Variants in WDR7 observed in about 807,000 individuals in gnomAD.
WDR7 encodes WD repeat domain 7.
Under a neutral mutation model 169.4 loss-of-function variants are expected in WDR7, and 46 were observed. That is an observed-to-expected ratio of 0.27 (90% CI 0.21 to 0.35). The LOEUF is 0.35. Among genes scored for constraint, WDR7 ranks in the 10% least tolerant of loss-of-function variants. The pLI is 1.00. For missense variants in WDR7, 1,534 were observed against 1,859.3 expected, an observed-to-expected ratio of 0.83 and a Z score of 3.22; for synonymous variants, 612 against 666.8, an observed-to-expected ratio of 0.92 and a Z score of 1.27.
chr18:56,831,593 A>G (rs2045309741), intron 20 of WDR7, among the ~76,000 whole-genome samples: 2 of 152,126 alleles, frequency 1.3e-5, no homozygotes, highest in African/African-American at 4.8e-5. Flanking sequence ...AGCGAGACCA[A>G]CCCAGAAGGT....
chr18:56,830,848 A>T (rs2045295776), intron 20 of WDR7, among the ~76,000 whole-genome samples: 1 of 152,162 alleles, frequency 6.6e-6, no homozygotes, highest in Non-Finnish European at 1.5e-5. Context: ...CTGGGATTAT[A>T]AGCACTGTGC....
rs529468765 is a variant in WDR7 at position 57,000,101 on chromosome 18, A to G, written c.4165-20644A>G. ...AGTATCCAAATATTTTTAGTCATAG[A>G]ATAAGAGCTCTAGTATGGAAACATT... On this transcript the variant is annotated intron_variant, in intron 26 of 27. Transcript: ENST00000254442. Among the ~76,000 whole-genome samples, 5 of 152,334 alleles carry G rather than the reference A, an allele frequency of 3.3e-5. No individual in the cohort carries two copies. In the South Asian group the frequency reaches 1.0e-3, roughly 32 times the overall value.
rs1455044641 is a variant in WDR7, at chr18:56,942,830, T to C, written c.4064+3437T>C. ...GTGTAATTCTTCTACCAGAACATAG[T>C]TGATAACACAAAATTTTATGAAACA... On this transcript the variant is annotated intron_variant, in intron 25 of 27. Coordinates refer to ENST00000254442, the MANE Select transcript of WDR7 (RefSeq NM_015285.3). Among the ~76,000 whole-genome samples the C allele has an allele frequency of 2.0e-5, 3 of 152,210 alleles. No individual in the cohort carries two copies. The East Asian group carries it at 5.8e-4, about 29-fold the overall frequency.
chr18:56,987,428 T>C (rs962865684), intron 26 of WDR7, among the ~76,000 whole-genome samples: 3 of 151,926 alleles, frequency 2.0e-5, no homozygotes, highest in Admixed American at 2.0e-4. Context: ...AGCCCTGATA[T>C]ACAGATAGGG....
intron 19 of WDR7, among the ~76,000 whole-genome samples, chr18:56,787,874 G>T (rs2044426380): frequency 6.6e-6 from 1 of 152,216 alleles, no homozygotes; most frequent in East Asian, 1.9e-4. Context: ...TTAAATATTA[G>T]TGTATTCTTT....
At chr18:56,955,422 T>C (rs2047237444) in intron 25 of WDR7, among the ~76,000 whole-genome samples, 1 of 152,154 alleles carries the variant, frequency 6.6e-6, no homozygotes, top group Non-Finnish European at 1.5e-5. Flanking sequence ...TCAGACCAAA[T>C]CCCTATTATA....
chr18:56,897,526 A>G (rs929894206), intron 21 of WDR7, among the ~76,000 whole-genome samples: 7 of 151,902 alleles, frequency 4.6e-5, no homozygotes, highest in African/African-American at 1.7e-4. Context: ...AAACCACACA[A>G]CTCAGAACAA....
At chr18:56,846,070 A>G (rs1261786173) in intron 20 of WDR7, among the ~76,000 whole-genome samples, 1 of 152,230 alleles carries the variant, frequency 6.6e-6, no homozygotes, top group Non-Finnish European at 1.5e-5. Context: ...GCATACAAAT[A>G]GACATGAAAT....
chr18:56,938,766 C>CCAG (rs1465624299), intron 24 of WDR7, 84 bp downstream of exon 24: 27 of 1,497,852 alleles, frequency 1.8e-5, no homozygotes, highest in Non-Finnish European at 2.2e-5. Context: ...ATCTTTATTT[C>CCAG]CAGCATCTCT....
chr18:57,002,379 T>G (rs923698040), intron 26 of WDR7, among the ~76,000 whole-genome samples: 9 of 152,198 alleles, frequency 5.9e-5, no homozygotes, highest in Non-Finnish European at 5.9e-5. Context: ...ATGTAAACTG[T>G]GCATTGAAAA....
intron 26 of WDR7, among the ~76,000 whole-genome samples, chr18:57,019,929 A>T (rs1315137688): frequency 6.6e-6 from 1 of 152,256 alleles, no homozygotes; most frequent in Non-Finnish European, 1.5e-5. Context: ...GGTTTTAAAT[A>T]GTTCAGTACA....
chr18:56,864,583 A>G (rs1276205851), intron 20 of WDR7, among the ~76,000 whole-genome samples: 1 of 151,846 alleles, frequency 6.6e-6, no homozygotes, highest in Non-Finnish European at 1.5e-5. Context: ...TTGATCTAAT[A>G]ACATTACTAA....
chr18:56,887,048 G>A (rs2145507420), intron 21 of WDR7, among the ~76,000 whole-genome samples: 1 of 152,220 alleles, frequency 6.6e-6, no homozygotes, highest in African/African-American at 2.4e-5. Context: ...TCCACTAACT[G>A]TGATAATTTT....
intron 20 of WDR7, among the ~76,000 whole-genome samples, chr18:56,841,968 G>A (rs1201844072): frequency 6.6e-6 from 1 of 152,124 alleles, no homozygotes; most frequent in Admixed American, 6.5e-5. Flanking sequence ...ATTAAATGTT[G>A]AAATACTGAT....
intron 26 of WDR7, among the ~76,000 whole-genome samples, chr18:57,013,598 A>G (rs1312876334): frequency 6.6e-6 from 1 of 152,254 alleles, no homozygotes; most frequent in Non-Finnish European, 1.5e-5. Flanking sequence ...GAAGAGAGAA[A>G]TAGAAGAGGG....
At position 56,686,983 on chromosome 18, in the gene WDR7, A is replaced by G. The variant is rs1472812711; in HGVS notation, c.717+9A>G. On this transcript the variant is annotated intron_variant, in intron 7 of 27. Transcript: ENST00000254442. The stretch of plus-strand genomic sequence containing the variant: ...GTTCCAAATATTGGAGGGTAAGATA[A>G]TTATATAAATAAGAAGCTGTATTTT... 3.1e-6 allele frequency: 5 copies of G among 1,600,152 alleles called. No individual in the cohort carries two copies.
intron 23 of WDR7, among the ~76,000 whole-genome samples, chr18:56,937,115 C>A (rs1351842839): frequency 1.2e-4 from 18 of 152,160 alleles, no homozygotes; most frequent in Non-Finnish European, 4.4e-5. Flanking sequence ...GCACCATTTA[C>A]ATATGAGTAT....
At chr18:56,785,305 A>G (rs569171710) in intron 19 of WDR7, among the ~76,000 whole-genome samples, 2 of 152,228 alleles carry the variant, frequency 1.3e-5, no homozygotes, top group Non-Finnish European at 2.9e-5. Flanking sequence ...GGCAAGTTAC[A>G]TCGTAAAGTA....
In WDR7 at chr18:56,651,578, T is replaced by A. The variant is rs1598933949; in HGVS notation, c.-20+2T>A. 6.6e-6 allele frequency: 1 copy of A among 152,314 alleles called. No individual in the cohort carries two copies. Among genetic ancestry groups the A allele is most frequent in the Non-Finnish European group, 1.5e-5 (1 of 68,256 alleles). The allele number at this position is 152,314 out of a possible 1,614,324, so 9.4% of individuals were successfully genotyped here. ...CGGCATGAGATGAAGCTGTGACAGG[T>A]AAGGGGGCTTTCAAGCTTCTCCATG... is the stretch of plus-strand genomic sequence containing the variant. On this transcript the variant is annotated splice_donor_variant, in intron 1 of 27. Coordinates refer to ENST00000254442, the MANE Select transcript of WDR7 (RefSeq NM_015285.3). LOFTEE classifies it low-confidence loss of function (5UTR_SPLICE).
Sources: allele counts gnomAD v4.1 joint callset (sites outside exome capture counted in the v4.1 genomes callset), GRCh38; gene constraint gnomAD v4.1.1; transcripts MANE v1.5; gene names NCBI Gene and HGNC (gene_info 2026-07-23, HGNC 2026-07-21).